COP1: variants seen among roughly 807,000 people sequenced by gnomAD.
The protein encoded by COP1 is E3 ubiquitin-protein ligase COP1.
Under a neutral mutation model 101.3 loss-of-function variants are expected in COP1, and 24 were observed. The ratio of observed to expected loss-of-function variants is 0.24; its 90% confidence interval spans 0.17 to 0.33. The LOEUF is 0.33. Among genes scored for constraint, COP1 ranks in the 10% least tolerant of loss-of-function variants. The pLI, the probability that COP1 is intolerant of heterozygous loss-of-function variation, is 1.00. For missense variants in COP1, 663 were observed against 906.2 expected (o/e 0.73, Z 3.45); for synonymous variants, 347 against 341.9 (o/e 1.01, Z -0.17).
At chr1:176,124,475 G>A (rs1687702788) in intron 8 of COP1, among the ~76,000 whole-genome samples, 2 of 131,078 alleles carry the variant, frequency 1.5e-5, no homozygotes, top group African/African-American at 2.9e-5. Context: ...CTATCTTCAC[G>A]AGTTCAATTG....
At chr1:176,182,698 T>C (rs1431706886) in intron 2 of COP1, among the ~76,000 whole-genome samples, 2 of 152,228 alleles carry the variant, frequency 1.3e-5, no homozygotes, top group African/African-American at 4.8e-5. Context: ...GGTCAATTTA[T>C]GGACCAAAGA....
intron 18 of COP1, among the ~76,000 whole-genome samples, chr1:175,978,550 C>T (rs1179603502): frequency 6.6e-6 from 1 of 152,066 alleles, no homozygotes; most frequent in South Asian, 2.1e-4. Flanking sequence ...ACTTCCCCAC[C>T]CCACTCTATT....
chr1:176,171,887 C>T (rs1301048824), intron 3 of COP1, among the ~76,000 whole-genome samples: 5 of 152,054 alleles, frequency 3.3e-5, no homozygotes, highest in Non-Finnish European at 7.4e-5. Flanking sequence ...AATGAAATTT[C>T]TGGTATTGAA....
chr1:176,151,349 AAGAAAAAG>A (rs1190411776), intron 5 of COP1, among the ~76,000 whole-genome samples: 1 of 132,556 alleles, frequency 7.5e-6, no homozygotes, highest in African/African-American at 2.9e-5. Context: ...GAAGGAAAGA[AAGAAAAAG>A]AAAGAAAGAA....
chr1:176,187,427 GTGTA>G (rs1196477481), intron 1 of COP1, among the ~76,000 whole-genome samples: 5 of 127,470 alleles, frequency 3.9e-5, no homozygotes, highest in South Asian at 2.6e-4. Flanking sequence ...GTGTGTGTGT[GTGTA>G]TAAGACAGGA....
At chr1:176,007,253 T>G (rs1416522925) in intron 15 of COP1, among the ~76,000 whole-genome samples, 1 of 152,140 alleles carries the variant, frequency 6.6e-6, no homozygotes, top group East Asian at 1.9e-4. Flanking sequence ...TTCTAAATTT[T>G]TTTCAATGTT....
chr1:176,009,133 T>G (rs1452057667), intron 15 of COP1, among the ~76,000 whole-genome samples: 1 of 152,166 alleles, frequency 6.6e-6, no homozygotes, highest in Non-Finnish European at 1.5e-5. Context: ...ACCCCCACCT[T>G]TGGCTGTTTT....
intron 8 of COP1, among the ~76,000 whole-genome samples, chr1:176,121,629 T>C (rs1226296199): frequency 6.6e-6 from 1 of 152,160 alleles, no homozygotes; most frequent in Non-Finnish European, 1.5e-5. Flanking sequence ...GACATATAAA[T>C]GCAGTTCTCC....
intron 11 of COP1, among the ~76,000 whole-genome samples, chr1:176,058,064 G>GGCCGCCA (rs1673990260): frequency 3.5e-5 from 5 of 142,746 alleles, no homozygotes; most frequent in Non-Finnish European, 7.6e-5. Flanking sequence ...CCCGGCAGCC[G>GGCCGCCA]CCCCGGCCGG....
At chr1:175,949,812 G>T (rs1649650911) in intron 18 of COP1, among the ~76,000 whole-genome samples, 1 of 152,198 alleles carries the variant, frequency 6.6e-6, no homozygotes, top group Non-Finnish European at 1.5e-5. Flanking sequence ...TTAATATAGA[G>T]AAGGAATGCA....
intron 1 of COP1, among the ~76,000 whole-genome samples, chr1:176,185,740 C>T (rs1698365132): frequency 6.6e-6 from 1 of 152,206 alleles, no homozygotes; most frequent in Admixed American, 6.5e-5. Flanking sequence ...AATCCTTGAG[C>T]AGCTGCATCA....
intron 15 of COP1, among the ~76,000 whole-genome samples, chr1:175,996,334 G>C (rs1660155946): frequency 6.6e-6 from 1 of 152,226 alleles, no homozygotes. Context: ...TTGAAAACTG[G>C]CACAAGACAG....
At chr1:176,089,214 A>T (rs1454660123) in intron 9 of COP1, among the ~76,000 whole-genome samples, 3 of 151,850 alleles carry the variant, frequency 2.0e-5, no homozygotes, top group Non-Finnish European at 4.4e-5. Context: ...AATCACTTGA[A>T]CCAGGGCTGC....
intron 5 of COP1, among the ~76,000 whole-genome samples, chr1:176,155,562 T>C (rs2149880993): frequency 6.6e-6 from 1 of 152,160 alleles, no homozygotes; most frequent in East Asian, 1.9e-4. Context: ...AGCAAAGGGC[T>C]GAACAAGTAA....
chr1:176,030,771 G>C (rs1197494670), intron 14 of COP1, among the ~76,000 whole-genome samples: 3 of 152,102 alleles, frequency 2.0e-5, no homozygotes, highest in Admixed American at 6.5e-5. Flanking sequence ...AACAAAACAG[G>C]TGTTAATTGT....
intron 1 of COP1, among the ~76,000 whole-genome samples, chr1:176,188,944 GAGTT>G (rs1345415851): frequency 6.6e-6 from 1 of 152,000 alleles, no homozygotes; most frequent in Non-Finnish European, 1.5e-5. Context: ...GACAGAGAAA[GAGTT>G]AGGAAAAAAT....
intron 9 of COP1, among the ~76,000 whole-genome samples, chr1:176,089,235 C>T (rs896448127): frequency 6.6e-6 from 1 of 151,632 alleles, no homozygotes; most frequent in South Asian, 2.1e-4. Flanking sequence ...AGGGGCTGCA[C>T]TGAGCCAAGA....
At chr1:176,014,255 A>T (rs183397962) in intron 15 of COP1, among the ~76,000 whole-genome samples, 1 of 152,184 alleles carries the variant, frequency 6.6e-6, no homozygotes, top group Admixed American at 6.5e-5. Flanking sequence ...CTGCTCCTGG[A>T]CCCCACCCAA....
chr1:176,207,004 C>CCCG lies in COP1; in HGVS notation c.-27_-26insCGG. The CCCG allele has an allele frequency of 1.5e-6, 2 of 1,367,502 alleles. No homozygotes were observed. The highest frequency in any genetic ancestry group is 1.9e-6 in the Non-Finnish European group (2 of 1,063,142). The allele number at this position is 1,367,502 out of a possible 1,614,324, so 84.7% of individuals were successfully genotyped here. ...CGTGACTCCCTCCCCTCCAGCCGGGCGCTCGGAGGAGAGGGACCGCGACCT... is the reference window on the plus strand; with the variant it reads ...CGTGACTCCCTCCCCTCCAGCCGGGCCCGGCTCGGAGGAGAGGGACCGCGACCT... On this transcript the variant is annotated 5_prime_UTR_variant, in exon 1 of 20. Transcript: ENST00000367669.
Sources: allele counts gnomAD v4.1 joint callset (sites outside exome capture counted in the v4.1 genomes callset), GRCh38; gene constraint gnomAD v4.1.1; transcripts MANE v1.5; gene names NCBI Gene and HGNC (gene_info 2026-07-23, HGNC 2026-07-21).